The following PTPRK variants were observed in gnomAD, a reference collection of about 807,000 sequenced individuals.
PTPRK encodes the protein receptor-type tyrosine-protein phosphatase kappa.
PTPRK carries 75 observed loss-of-function variants against 178.0 expected under a neutral mutation model. The observed-to-expected ratio is 0.42, with a 90% confidence interval of 0.35 to 0.51. The LOEUF (loss-of-function observed/expected upper bound fraction) is 0.51. Among genes scored for constraint, PTPRK ranks in the 20% least tolerant of loss-of-function variants. The pLI is 0.02. For synonymous variants in PTPRK, 637 were observed against 620.6 expected, an observed-to-expected ratio of 1.03 and a Z score of -0.39; for missense variants, 1,441 against 1,797.8, an observed-to-expected ratio of 0.80 and a Z score of 3.59.
chr6:128,196,240 A>G (rs1804837288), intron 6 of PTPRK, among the ~76,000 whole-genome samples: 1 of 152,096 alleles, frequency 6.6e-6, no homozygotes, highest in African/African-American at 2.4e-5. Flanking sequence ...TTCTGAAAAA[A>G]TATTTTAATC....
intron 15 of PTPRK, chr6:128,001,221 A>C (rs1777793277): frequency 7.2e-6 from 11 of 1,533,646 alleles, no homozygotes; most frequent in Non-Finnish European, 7.9e-6. Flanking sequence ...AAACCCAATG[A>C]AGCAGTAAAA....
At chr6:128,059,462 G>T (rs939210086) in intron 13 of PTPRK, among the ~76,000 whole-genome samples, 3 of 152,090 alleles carry the variant, frequency 2.0e-5, no homozygotes, top group Non-Finnish European at 4.4e-5. Context: ...GAATATTGAT[G>T]ATATAACCAC....
chr6:128,364,562 T>C (rs1034102321), intron 2 of PTPRK, among the ~76,000 whole-genome samples: 4 of 152,048 alleles, frequency 2.6e-5, no homozygotes, highest in Non-Finnish European at 5.9e-5. Context: ...AGCAGAGGCC[T>C]TAATAAGGCA....
At chr6:128,213,282 A>AGG (rs772922620) in intron 6 of PTPRK, among the ~76,000 whole-genome samples, 32 of 152,140 alleles carry the variant, frequency 2.1e-4, no homozygotes, top group Admixed American at 6.5e-4. Context: ...TATGAATGAG[A>AGG]GGAGACTCCA....
At chr6:128,078,554 A>C (rs1784249682) in intron 11 of PTPRK, among the ~76,000 whole-genome samples, 1 of 152,024 alleles carries the variant, frequency 6.6e-6, no homozygotes, top group South Asian at 2.1e-4. Context: ...CAGTATAATA[A>C]GGTATTTTGA....
chr6:128,018,309 T>A (rs1345908763), intron 13 of PTPRK, among the ~76,000 whole-genome samples: 1 of 152,140 alleles, frequency 6.6e-6, no homozygotes, highest in Non-Finnish European at 1.5e-5. Context: ...TCAACTATAA[T>A]ATACTGCTTA....
intron 1 of PTPRK, among the ~76,000 whole-genome samples, chr6:128,493,510 C>A (rs1262912122): frequency 6.7e-6 from 1 of 150,062 alleles, no homozygotes; most frequent in Non-Finnish European, 1.5e-5. Context: ...TGCAGTGAGC[C>A]GAGATCGTGC....
intron 2 of PTPRK, among the ~76,000 whole-genome samples, chr6:128,327,900 G>A (rs1054459427): frequency 2.6e-5 from 4 of 152,222 alleles, no homozygotes; most frequent in Admixed American, 6.5e-5. Context: ...CTCACGGGAA[G>A]ATAAAGTCTG....
At chr6:128,088,239 A>T (rs1786305378) in intron 8 of PTPRK, among the ~76,000 whole-genome samples, 1 of 151,970 alleles carries the variant, frequency 6.6e-6, no homozygotes, top group Admixed American at 6.6e-5. Context: ...TTAGCAGGGC[A>T]TGGTGGCAGG....
chr6:127,976,841 G>C (rs4321844), intron 26 of PTPRK, 59 bp from the exon 27 acceptor site: 5 of 1,611,242 alleles, frequency 3.1e-6, no homozygotes, highest in African/African-American at 1.3e-5. Context: ...CTAGTTAGGA[G>C]AGTATAAAGC....
intron 13 of PTPRK, among the ~76,000 whole-genome samples, chr6:128,025,538 G>A (rs1260562863): frequency 6.6e-6 from 1 of 152,172 alleles, no homozygotes; most frequent in East Asian, 1.9e-4. Flanking sequence ...TTCTATGTCT[G>A]TATTAGTTTC....
At chr6:128,163,559 G>A (rs1041295745) in intron 7 of PTPRK, among the ~76,000 whole-genome samples, 2 of 151,386 alleles carry the variant, frequency 1.3e-5, no homozygotes, top group African/African-American at 4.8e-5. Flanking sequence ...AGCTGAATTA[G>A]CTTACTTCTT....
chr6:128,423,278 G>A (rs1288337314), intron 1 of PTPRK, among the ~76,000 whole-genome samples: 2 of 152,188 alleles, frequency 1.3e-5, no homozygotes, highest in Admixed American at 6.5e-5. Context: ...TTTAATGACA[G>A]TAACATTTGT....
chr6:128,252,269 C>A (rs376802216), intron 3 of PTPRK, among the ~76,000 whole-genome samples: 6 of 152,084 alleles, frequency 3.9e-5, no homozygotes, highest in African/African-American at 1.4e-4. Context: ...TCTAGAAAAT[C>A]TAAATAAATG....
In PTPRK at chr6:128,001,165, G is replaced by A. The variant is rs1777790012; in HGVS notation, c.2495-2261C>T. ...ACTTGAAATATATCCTTGATTGAAAGGTTTTCTAGAGTTCTTTGCAATACA... is the reference window on the plus strand; with the variant it reads ...ACTTGAAATATATCCTTGATTGAAAAGTTTTCTAGAGTTCTTTGCAATACA... On this transcript the variant is annotated intron_variant, in intron 15 of 29. Transcript: ENST00000368226. 4 of 1,485,714 alleles carry A rather than the reference G, an allele frequency of 2.7e-6. No individual in the cohort carries two copies. The East Asian group carries it at 9.9e-5, about 37-fold the overall frequency. 92.0% of individuals were successfully genotyped at this position (1,485,714 alleles called of 1,614,324 possible). A position where few individuals can be genotyped will look rare whatever the true frequency, so the allele number is the denominator to read the frequency against.
At chr6:128,022,825 AAT>A (rs1170872755) in intron 13 of PTPRK, among the ~76,000 whole-genome samples, 1 of 152,172 alleles carries the variant, frequency 6.6e-6, no homozygotes, top group African/African-American at 2.4e-5. Flanking sequence ...ATCTGCCCCC[AAT>A]ATGTTTTCAC....
At chr6:128,300,422 C>G (rs908099110) in intron 3 of PTPRK, among the ~76,000 whole-genome samples, 3 of 151,940 alleles carry the variant, frequency 2.0e-5, no homozygotes, top group Admixed American at 6.6e-5. Flanking sequence ...CACATACACA[C>G]GTATGTTTAT....
chr6:128,035,190 A>C (rs949782204), intron 13 of PTPRK, among the ~76,000 whole-genome samples: 1 of 152,210 alleles, frequency 6.6e-6, no homozygotes, highest in African/African-American at 2.4e-5. Flanking sequence ...AACATGTTGA[A>C]ATCCCGGCTC....
intron 7 of PTPRK, among the ~76,000 whole-genome samples, chr6:128,143,271 C>T (rs1796032770): frequency 6.6e-6 from 1 of 152,130 alleles, no homozygotes; most frequent in Admixed American, 6.6e-5. Flanking sequence ...CCACATATTC[C>T]TCTCCAAAGA....
Sources: allele counts gnomAD v4.1 joint callset (sites outside exome capture counted in the v4.1 genomes callset), GRCh38; gene constraint gnomAD v4.1.1; transcripts MANE v1.5; gene names NCBI Gene and HGNC (gene_info 2026-07-23, HGNC 2026-07-21).